MYO18B: variants seen among roughly 807,000 people sequenced by gnomAD.
The protein encoded by MYO18B is unconventional myosin-XVIIIb.
Under a neutral mutation model 273.0 loss-of-function variants are expected in MYO18B, and 204 were observed. The observed-to-expected ratio is 0.75, with a 90% CI of 0.67 to 0.84. The LOEUF (loss-of-function observed/expected upper bound fraction) is 0.84. MYO18B is among the 40% of genes least tolerant of loss of function. The pLI is 0.00. For synonymous variants in MYO18B, 1,330 were observed against 1,305.7 expected, an observed-to-expected ratio of 1.02 and a Z score of -0.40; for missense variants, 3,212 against 3,287.6, an observed-to-expected ratio of 0.98 and a Z score of 0.56.
intron 31 of MYO18B, among the ~76,000 whole-genome samples, chr22:25,907,759 G>T (rs1442170703): frequency 1.3e-5 from 2 of 152,198 alleles, no homozygotes; most frequent in Non-Finnish European, 2.9e-5. Context: ...AGGGGGCCGG[G>T]CCCGGTGGCT....
chr22:25,787,309 C>CACACACAG (rs57856007), intron 11 of MYO18B, among the ~76,000 whole-genome samples: 4,645 of 144,716 alleles, frequency 0.032, 100 homozygotes, highest in East Asian at 0.11. Context: ...CACACACACA[C>CACACACAG]AGTCTGTCTT....
At chr22:25,952,686 CATTTGTTCTTCCTT>C (rs1480306399) in intron 38 of MYO18B, among the ~76,000 whole-genome samples, 2 of 152,088 alleles carry the variant, frequency 1.3e-5, no homozygotes, top group African/African-American at 4.8e-5. Flanking sequence ...TCCTCCCTTC[CATTTGTTCTTCCTT>C]TCACCTTTAC....
At chr22:25,859,039 T>C (rs1049557287) in intron 21 of MYO18B, among the ~76,000 whole-genome samples, 1 of 152,184 alleles carries the variant, frequency 6.6e-6, no homozygotes, top group Non-Finnish European at 1.5e-5. Flanking sequence ...GATAGGAGGA[T>C]TGAGCAATTT....
At chr22:26,024,886 C>T (rs1016427878) in intron 42 of MYO18B, among the ~76,000 whole-genome samples, 1 of 152,164 alleles carries the variant, frequency 6.6e-6, no homozygotes, top group Non-Finnish European at 1.5e-5. Flanking sequence ...ATGTATTTCT[C>T]ATAGTTCTAG....
intron 12 of MYO18B, among the ~76,000 whole-genome samples, chr22:25,800,417 C>T (rs149457952): frequency 1.2e-4 from 19 of 152,316 alleles, no homozygotes; most frequent in African/African-American, 3.8e-4. Flanking sequence ...TCTCACTCAA[C>T]GTCCTGGTCA....
chr22:25,849,173 C>A, intron 20 of MYO18B, among the ~76,000 whole-genome samples: 1 of 152,334 alleles, frequency 6.6e-6, no homozygotes, highest in Non-Finnish European at 1.5e-5. Context: ...GGGCCTGGGT[C>A]AGACTGTTAG....
intron 21 of MYO18B, among the ~76,000 whole-genome samples, chr22:25,864,370 G>A (rs745474670): frequency 2.6e-5 from 4 of 152,068 alleles, no homozygotes; most frequent in Non-Finnish European, 5.9e-5. Context: ...GGAGGGGAGA[G>A]GATTTATTAA....
intron 12 of MYO18B, among the ~76,000 whole-genome samples, chr22:25,818,501 G>A (rs949076139): frequency 2.0e-5 from 3 of 152,190 alleles, no homozygotes; most frequent in African/African-American, 7.2e-5. Flanking sequence ...GGTGAGATGA[G>A]GCATGGAAAG....
intron 33 of MYO18B, among the ~76,000 whole-genome samples, chr22:25,918,567 C>G (rs728175): frequency 0.49 from 74,993 of 151,984 alleles, 18,681 homozygotes; most frequent in Middle Eastern, 0.57. Flanking sequence ...GATGACTGGT[C>G]TGAGATTTTC....
chr22:25,940,261 G>A (rs2092628629), intron 34 of MYO18B, among the ~76,000 whole-genome samples: 1 of 148,264 alleles, frequency 6.7e-6, no homozygotes, highest in Non-Finnish European at 1.5e-5. Flanking sequence ...TCCCATGCTG[G>A]TCTTGTGATA....
the MYO18B span, among the ~76,000 whole-genome samples, chr22:26,060,644 C>T: frequency 6.6e-6 from 1 of 152,082 alleles, no homozygotes; most frequent in African/African-American, 2.4e-5. Context: ...TACATATACA[C>T]ACATCCACAC....
chr22:26,057,925 T>C, the MYO18B span, among the ~76,000 whole-genome samples: 1 of 152,158 alleles, frequency 6.6e-6, no homozygotes, highest in Non-Finnish European at 1.5e-5. Context: ...TCATCACCCT[T>C]ATAACCAAAT....
chr22:26,042,044 C>T, the MYO18B span, among the ~76,000 whole-genome samples: 2 of 152,316 alleles, frequency 1.3e-5, no homozygotes, highest in South Asian at 2.1e-4. Context: ...CCAGAGAAGG[C>T]GAGGCCTGTG....
chr22:25,928,558 C>G (rs1237545472), intron 34 of MYO18B, among the ~76,000 whole-genome samples: 1 of 152,122 alleles, frequency 6.6e-6, no homozygotes, highest in Non-Finnish European at 1.5e-5. Flanking sequence ...GCCCCTGCAT[C>G]TAGAACCCTA....
rs553571011 is a variant in MYO18B at position 25,762,017 on chromosome 22, G to A, written c.39+886G>A. Among the ~76,000 whole-genome samples the A allele has an allele frequency of 3.3e-5, 5 of 152,202 alleles. No individual in the cohort carries two copies. In the East Asian group the frequency reaches 9.7e-4, roughly 29 times the overall value. Reference sequence around the variant, plus strand: ...GTGTGCCTGTCATCCCAGCTACTCAGGAGGCTGAGGCAGGAGACAGAGGTT... The same window carrying A: ...GTGTGCCTGTCATCCCAGCTACTCAAGAGGCTGAGGCAGGAGACAGAGGTT... On this transcript the variant is annotated intron_variant, in intron 2 of 43. Transcript: ENST00000335473.
At chr22:25,920,142 G>A (rs761288326) in intron 33 of MYO18B, among the ~76,000 whole-genome samples, 24 of 152,216 alleles carry the variant, frequency 1.6e-4, no homozygotes, top group South Asian at 8.3e-4. Context: ...AGCATCCCAG[G>A]AAATGGTTAG....
intron 39 of MYO18B, among the ~76,000 whole-genome samples, chr22:25,974,628 A>G (rs2093069442): frequency 6.6e-6 from 1 of 152,198 alleles, no homozygotes; most frequent in African/African-American, 2.4e-5. Context: ...TAATGCATAA[A>G]TGCCTAGTTG....
intron 20 of MYO18B, 59 bp downstream of exon 20, chr22:25,847,711 C>A: frequency 7.5e-7 from 1 of 1,330,832 alleles, no homozygotes; most frequent in Non-Finnish European, 1.0e-6. Context: ...GTCCACCCAC[C>A]AGTGGCAGCC....
chr22:25,826,063 T>A (rs1327615232), intron 13 of MYO18B, among the ~76,000 whole-genome samples: 5 of 152,170 alleles, frequency 3.3e-5, no homozygotes, highest in Admixed American at 3.3e-4. Context: ...AAGATGATGC[T>A]ATGGGAAGTG....
Sources: allele counts gnomAD v4.1 joint callset (sites outside exome capture counted in the v4.1 genomes callset), GRCh38; gene constraint gnomAD v4.1.1; transcripts MANE v1.5; gene names NCBI Gene and HGNC (gene_info 2026-07-23, HGNC 2026-07-21).